Variants in ARHGAP15 observed in about 807,000 individuals in gnomAD.
ARHGAP15 encodes rho GTPase-activating protein 15.
Under a neutral mutation model 63.7 loss-of-function variants are expected in ARHGAP15, and 51 were observed. The observed-to-expected ratio is 0.80, with a 90% CI of 0.64 to 1.01. The LOEUF is 1.01. Ranked by LOEUF, ARHGAP15 falls within the 50% of genes least tolerant of loss-of-function variation. The pLI is 0.00. For missense variants in ARHGAP15, 560 were observed against 564.6 expected (o/e 0.99, Z 0.08); for synonymous variants, 191 against 193.8 (o/e 0.99, Z 0.12).
intron 11 of ARHGAP15, among the ~76,000 whole-genome samples, chr2:143,563,311 C>T (rs1029600141): frequency 6.6e-6 from 1 of 152,052 alleles, no homozygotes; most frequent in African/African-American, 2.4e-5. Flanking sequence ...TAGCATGATA[C>T]CAAATATTTA....
At chr2:143,657,076 G>T (rs1681483712) in intron 12 of ARHGAP15, among the ~76,000 whole-genome samples, 1 of 152,128 alleles carries the variant, frequency 6.6e-6, no homozygotes, top group South Asian at 2.1e-4. Context: ...GCCGAGCGTG[G>T]TGGCTCACGC....
intron 6 of ARHGAP15, among the ~76,000 whole-genome samples, chr2:143,416,183 G>A (rs753458196): frequency 5.4e-5 from 8 of 147,884 alleles, no homozygotes; most frequent in South Asian, 2.2e-4. Context: ...GCAAACCACC[G>A]TGACACATGT....
intron 6 of ARHGAP15, among the ~76,000 whole-genome samples, chr2:143,255,638 A>G (rs188433656): frequency 5.3e-5 from 8 of 152,278 alleles, no homozygotes; most frequent in Non-Finnish European, 8.8e-5. Flanking sequence ...TTTTAAGCCA[A>G]AAGGAAAACT....
intron 2 of ARHGAP15, among the ~76,000 whole-genome samples, chr2:143,187,577 T>A (rs988535468): frequency 6.6e-6 from 1 of 152,232 alleles, no homozygotes; most frequent in African/African-American, 2.4e-5. Context: ...GCCTCCATCT[T>A]GTAGATGAGG....
intron 6 of ARHGAP15, among the ~76,000 whole-genome samples, chr2:143,342,524 T>C (rs1685102988): frequency 6.6e-6 from 1 of 152,106 alleles, no homozygotes; most frequent in African/African-American, 2.4e-5. Flanking sequence ...AGACACATGA[T>C]TCTTCAGTGT....
rs958831819 is a variant in ARHGAP15 at position 143,201,050 on chromosome 2, C to T, written c.166-1084C>T. 4.6e-5 allele frequency among the ~76,000 whole-genome samples: 7 copies of T among 151,980 alleles called. No individual in the cohort carries two copies. The East Asian group carries it at 9.7e-4, about 21-fold the overall frequency. On this transcript the variant is annotated intron_variant, in intron 2 of 13. Transcript: ENST00000295095. ...GATATATTTGAGTTCTCTTCTGGGA[C>T]GTTTGAAGTTTAGGGGAAACTCAAT...
intron 3 of ARHGAP15, among the ~76,000 whole-genome samples, chr2:143,208,223 A>T (rs1219635498): frequency 6.6e-6 from 1 of 152,188 alleles, no homozygotes; most frequent in Non-Finnish European, 1.5e-5. Context: ...TCATATTGAG[A>T]TAACTCTACT....
At chr2:143,679,141 TA>T (rs5834962) in intron 12 of ARHGAP15, among the ~76,000 whole-genome samples, 129,234 of 150,006 alleles carry the variant, frequency 0.86, 58,200 homozygotes, top group Non-Finnish European at 0.99. Context: ...CCACAAAGGC[TA>T]AAAAAAAAAA....
intron 8 of ARHGAP15, among the ~76,000 whole-genome samples, chr2:143,483,548 C>G (rs1290074199): frequency 6.6e-6 from 1 of 152,124 alleles, no homozygotes; most frequent in Non-Finnish European, 1.5e-5. Flanking sequence ...ACCAAAATTG[C>G]CCTGAGGCAG....
chr2:143,678,637 A>G (rs1002754340), intron 12 of ARHGAP15, among the ~76,000 whole-genome samples: 4 of 152,212 alleles, frequency 2.6e-5, no homozygotes, highest in Admixed American at 2.6e-4. Flanking sequence ...ATTAGAGAAG[A>G]GAACAGAATG....
At chr2:143,608,854 T>C (rs1340803277) in intron 11 of ARHGAP15, 1 of 152,238 alleles carries the variant, frequency 6.6e-6, no homozygotes, top group Non-Finnish European at 1.5e-5. Context: ...TCTTATATTA[T>C]GATGTTTCAG....
At chr2:143,168,570 T>C (rs1260658327) in intron 2 of ARHGAP15, among the ~76,000 whole-genome samples, 2 of 152,080 alleles carry the variant, frequency 1.3e-5, no homozygotes, top group East Asian at 1.9e-4. Flanking sequence ...TGGTTTTCTG[T>C]GGAAAAGGTG....
intron 13 of ARHGAP15, among the ~76,000 whole-genome samples, chr2:143,728,145 A>G (rs1197865218): frequency 6.6e-6 from 1 of 152,170 alleles, no homozygotes; most frequent in Non-Finnish European, 1.5e-5. Flanking sequence ...CAAGGTCAAG[A>G]TATCAGCAGG....
intron 13 of ARHGAP15, among the ~76,000 whole-genome samples, chr2:143,764,029 G>GTTATTTTTTAAATTTATTTTAAAAAT (rs1265237144): frequency 1.3e-5 from 2 of 151,594 alleles, no homozygotes; most frequent in African/African-American, 2.4e-5. Context: ...AAAACTATGT[G>GTTATTTTTTAAATTTATTTTAAAAAT]TTATTTTTTA....
intron 12 of ARHGAP15, among the ~76,000 whole-genome samples, chr2:143,666,437 T>C (rs970595777): frequency 2.6e-5 from 4 of 152,078 alleles, no homozygotes; most frequent in East Asian, 1.9e-4. Context: ...ATTAAAGCCT[T>C]AAACCTTAGA....
intron 8 of ARHGAP15, among the ~76,000 whole-genome samples, chr2:143,447,549 G>A (rs996569410): frequency 2.0e-5 from 3 of 152,094 alleles, no homozygotes; most frequent in African/African-American, 7.2e-5. Context: ...AGCTGACCTA[G>A]CTTCAGTCAT....
chr2:143,362,129 A>T (rs1686084592), intron 6 of ARHGAP15, among the ~76,000 whole-genome samples: 1 of 152,080 alleles, frequency 6.6e-6, no homozygotes, highest in Admixed American at 6.6e-5. Context: ...GCCATTCCTA[A>T]TCGCTTTCCC....
intron 6 of ARHGAP15, among the ~76,000 whole-genome samples, chr2:143,414,636 A>G (rs1371662713): frequency 1.3e-5 from 2 of 152,204 alleles, no homozygotes; most frequent in Admixed American, 6.5e-5. Flanking sequence ...TCTTACACGT[A>G]GAAATATGAA....
At chr2:143,761,874 A>T (rs1476768445) in intron 13 of ARHGAP15, among the ~76,000 whole-genome samples, 1 of 152,120 alleles carries the variant, frequency 6.6e-6, no homozygotes. Context: ...TAAACTGTGT[A>T]TCACTTCTCA....
Sources: allele counts gnomAD v4.1 joint callset (sites outside exome capture counted in the v4.1 genomes callset), GRCh38; gene constraint gnomAD v4.1.1; transcripts MANE v1.5; gene names NCBI Gene and HGNC (gene_info 2026-07-23, HGNC 2026-07-21).